Variants in COL3A1 observed in about 807,000 individuals in gnomAD.
COL3A1 encodes the protein collagen type III alpha 1 chain.
Under a neutral mutation model 200.9 loss-of-function variants are expected in COL3A1, and 46 were observed. The ratio of observed to expected loss-of-function variants is 0.23; its 90% CI spans 0.18 to 0.29. COL3A1 has a LOEUF of 0.29. Ranked by LOEUF, COL3A1 falls within the 10% of genes least tolerant of loss-of-function variation. The pLI is 1.00. For missense variants in COL3A1, 1,367 were observed against 1,917.6 expected, an observed-to-expected ratio of 0.71 and a Z score of 5.36; for synonymous variants, 650 against 628.0, an observed-to-expected ratio of 1.03 and a Z score of -0.52.
chr2:189,003,199 A>C, intron 36 of COL3A1, 137 bp downstream of exon 36: 1 of 826,198 alleles, frequency 1.2e-6, no homozygotes, highest in Non-Finnish European at 2.0e-6. Context: ...ATGGAGGTTT[A>C]TCAGTAATTT....
chr2:188,994,711 T>TACCACTCTGGGAGGCCAAGGCAGGACATA lies in COL3A1; in HGVS notation c.1348-13_1348-12insACCACTCTGGGAGGCCAAGGCAGGACATA. ...CATAATTTCTTTATTTTACCATCTT[T>TACCACTCTGGGAGGCCAAGGCAGGACATA]TTTTTTTTTCAGGGTGAGGCTGGTA... On this transcript the variant is annotated splice_polypyrimidine_tract_variant and intron_variant, in intron 19 of 50. Coordinates refer to ENST00000304636, the MANE Select transcript of COL3A1 (RefSeq NM_000090.4). The surrounding 1 kb of genome is among the most constrained non-coding windows in gnomAD (Gnocchi z 4.5). The TACCACTCTGGGAGGCCAAGGCAGGACATA allele has an allele frequency of 1.2e-6, 2 of 1,608,422 alleles. No homozygotes were observed. Among genetic ancestry groups the TACCACTCTGGGAGGCCAAGGCAGGACATA allele is most frequent in the Non-Finnish European group, 1.7e-6 (2 of 1,176,022 alleles).
At chr2:188,987,370 A>C (rs1005678817) in intron 5 of COL3A1, among the ~76,000 whole-genome samples, 4 of 152,008 alleles carry the variant, frequency 2.6e-5, no homozygotes, top group Admixed American at 1.3e-4. Flanking sequence ...AAAAAAACCA[A>C]AGTCAACACT....
At chr2:188,978,914 A>C (rs981546555) in intron 1 of COL3A1, among the ~76,000 whole-genome samples, 1 of 151,986 alleles carries the variant, frequency 6.6e-6, no homozygotes, top group African/African-American at 2.4e-5. Flanking sequence ...GGGGAGTTAC[A>C]TTAACCACCA....
rs1688630225 is a variant in COL3A1, at chr2:189,007,887, C to T, written c.3366C>T (p.Gly1122=). ...PGNPGAPGSP[G]PAGQQGAIGS... is the part of the protein sequence containing the mutation. The stretch of plus-strand genomic sequence containing the variant: ...ATGTACACTTCCTTTCTTTCCAGGG[C>T]CCTGCTGGTCAGCAGGGTGCAATCG... Residue 1122 remains glycine, a splice_region_variant and synonymous_variant, in exon 46 of 51, where the codon GGC becomes GGT. Transcript: ENST00000304636. 6.2e-7 allele frequency: 1 copy of T among 1,613,982 alleles called. No individual in the cohort carries two copies. The highest frequency in any genetic ancestry group is 8.5e-7 in the Non-Finnish European group (1 of 1,180,032).
At chr2:188,975,027 T>C (rs1687778553) in intron 1 of COL3A1, among the ~76,000 whole-genome samples, 2 of 152,192 alleles carry the variant, frequency 1.3e-5, no homozygotes, top group Non-Finnish European at 2.9e-5. Context: ...TTAAGAACAG[T>C]CTAAAGGAAG....
chr2:188,978,148 G>A, intron 1 of COL3A1: 1 of 236,146 alleles, frequency 4.2e-6, no homozygotes, highest in Non-Finnish European at 9.6e-6. Flanking sequence ...GTGATCTAAA[G>A]GCCTACATAT....
chr2:188,995,999 G>T (rs1688299418), intron 22 of COL3A1, 126 bp from the exon 23 acceptor site: 2 of 1,018,140 alleles, frequency 2.0e-6, no homozygotes, highest in Non-Finnish European at 3.0e-6. Flanking sequence ...TTATAGACAG[G>T]AAAAAAGATG....
chr2:189,001,366 C>A, intron 32 of COL3A1, 31 bp from the exon 33 acceptor site: 1 of 1,603,434 alleles, frequency 6.2e-7, no homozygotes, highest in Non-Finnish European at 8.5e-7. Flanking sequence ...TTTGTATCTT[C>A]AAAATTAAAA....
At chr2:189,005,757 T>C in intron 41 of COL3A1, 2 of 259,732 alleles carry the variant, frequency 7.7e-6, no homozygotes, top group Non-Finnish European at 7.2e-6. Flanking sequence ...TCTACGGTTA[T>C]CTATGGTTAG....
At chr2:188,983,242 T>TA (rs1256649719) in intron 1 of COL3A1, among the ~76,000 whole-genome samples, 6 of 151,894 alleles carry the variant, frequency 4.0e-5, no homozygotes, top group African/African-American at 1.4e-4. Flanking sequence ...AAATTGCAAT[T>TA]AAAAAATGAA....
chr2:189,006,961 C>G lies in COL3A1; in HGVS notation c.3226C>G (p.Pro1076Ala). 1 of 1,613,090 alleles carries G rather than the reference C, an allele frequency of 6.2e-7. No homozygotes were observed. Among genetic ancestry groups the G allele is most frequent in the Non-Finnish European group, 8.5e-7 (1 of 1,179,772 alleles). The part of the protein sequence containing the change: ...ESGPAGPAGA[P>A]GPAGSRGAPG... The stretch of plus-strand genomic sequence containing the variant: ...GGGCCCTGCTGGCCCTGCTGGTGCT[C>G]CCGGTCCTGCTGGTTCCCGAGGTGC... The change falls in exon 44 of 51, where the codon CCC (proline) becomes GCC (alanine). Residue 1076 changes from proline to alanine, a missense_variant. Transcript: ENST00000304636.
At position 189,005,367 on chromosome 2, in the gene COL3A1, A is replaced by C; in HGVS notation, c.2949A>C (p.Pro983=). The change falls in exon 41 of 51, where the codon CCA becomes CCC. Residue 983 remains proline (P), a synonymous_variant. Coordinates refer to ENST00000304636, the MANE Select transcript of COL3A1 (RefSeq NM_000090.4). ...GTATACAGGGTGAAAGTGGGAAACC[A>C]GGAGCTAACGGTCTCAGTGGAGAAC... is the stretch of plus-strand genomic sequence containing the variant. The part of the protein sequence containing the change: ...PQGVKGESGK[P]GANGLSGERG... 6.2e-7 allele frequency: 1 copy of C among 1,614,132 alleles called. No individual in the cohort carries two copies. The highest frequency in any genetic ancestry group is 2.2e-5 in the East Asian group (1 of 44,868).
At chr2:189,011,554 C>G in intron 50 of COL3A1, 74 bp from the exon 51 acceptor site, 1 of 1,584,934 alleles carries the variant, frequency 6.3e-7, no homozygotes, top group Non-Finnish European at 8.7e-7. Flanking sequence ...AAAAGGTTTT[C>G]TTTAACTTGT....
rs528866208 is a variant in COL3A1, at chr2:189,007,862, A to G, written c.3364-23A>G. On this transcript the variant is annotated intron_variant, in intron 45 of 50. Transcript: ENST00000304636. ...AGTGCTTTTTAAGGCCTTCACTCCT[A>G]TGTACACTTCCTTTCTTTCCAGGGC... 96 of 1,613,510 alleles carry G rather than the reference A, an allele frequency of 5.9e-5. 1 individual carries two copies. In the South Asian group the frequency reaches 6.8e-4, roughly 11 times the overall value.
intron 10 of COL3A1, 97 bp downstream of exon 10, chr2:188,990,457 A>C: frequency 3.2e-6 from 3 of 936,536 alleles, no homozygotes; most frequent in Non-Finnish European, 5.1e-6. Context: ...AAAAAATATG[A>C]TTCTGACAAT....
chr2:188,998,859 A>G, intron 29 of COL3A1, 141 bp downstream of exon 29: 1 of 807,964 alleles, frequency 1.2e-6, no homozygotes, highest in South Asian at 1.5e-5. Flanking sequence ...ACTTAGAGAA[A>G]CTCAAGACAC....
At position 189,010,226 on chromosome 2, in the gene COL3A1, A is replaced by G; in HGVS notation, c.3872A>G (p.Lys1291Arg). 6.2e-7 allele frequency: 1 copy of G among 1,614,188 alleles called. No individual in the cohort carries two copies. Among genetic ancestry groups the G allele is most frequent in the Non-Finnish European group, 8.5e-7 (1 of 1,180,012 alleles). Residue 1291 changes from lysine (K) to arginine (R), a missense_variant, in exon 49 of 51, where the codon AAG (lysine) becomes AGG (arginine). Physicochemically the swap from Lys to Arg is conservative, Grantham distance 26. This residue lies in a region of COL3A1 where 846 missense variants were observed against 1,147.9 expected (regional missense o/e 0.74). Transcript: ENST00000304636. The stretch of plus-strand genomic sequence containing the variant: ...CAAGGATGCAAATTGGATGCTATCA[A>G]GGTATTCTGTAATATGGAAACTGGG... The part of the protein sequence containing the change: ...PNQGCKLDAI[K>R]VFCNMETGET...
At chr2:188,985,822 C>A (rs752721569) in intron 4 of COL3A1, 44 bp downstream of exon 4, 2 of 1,268,216 alleles carry the variant, frequency 1.6e-6, no homozygotes, top group East Asian at 2.3e-5. Context: ...ATAAAACTAT[C>A]TAGTTCATCT....
intron 23 of COL3A1, 36 bp downstream of exon 23, chr2:188,996,214 A>C (rs1470411157): frequency 1.6e-5 from 25 of 1,577,426 alleles, no homozygotes; most frequent in Non-Finnish European, 1.8e-5. Context: ...TTAAAAGGCC[A>C]GTTAAAATGG....
Sources: gnomAD v4.1 joint callset for allele counts (sites outside exome capture counted in the v4.1 genomes callset) on GRCh38, gnomAD v4.1.1 for gene constraint, gnomAD v4.1.1 regional missense constraint, Gnocchi (gnomAD v3.1) non-coding constraint, MANE v1.5 for transcripts, NCBI Gene and HGNC (gene_info 2026-07-23, HGNC 2026-07-21) for gene names.